Variants in RAB6A observed in about 807,000 individuals in gnomAD.
The protein encoded by RAB6A is ras-related protein Rab-6A.
In RAB6A, 8 loss-of-function variants were observed where a neutral mutation model predicts 32.3. That is an observed-to-expected ratio of 0.25 (90% CI 0.15 to 0.45). RAB6A has a LOEUF of 0.45. Among genes scored for constraint, RAB6A ranks in the 20% least tolerant of loss-of-function variants. The pLI is 1.00. For missense variants in RAB6A, 104 were observed against 249.4 expected (o/e 0.42, Z 3.93); for synonymous variants, 73 against 82.1 (o/e 0.89, Z 0.60).
At chr11:73,750,435 C>T (rs1946655839) in intron 1 of RAB6A, among the ~76,000 whole-genome samples, 1 of 151,586 alleles carries the variant, frequency 6.6e-6, no homozygotes, top group Non-Finnish European at 1.5e-5. Context: ...CTGCAAACTC[C>T]ACCTCCCAGT....
intron 1 of RAB6A, among the ~76,000 whole-genome samples, chr11:73,741,490 CAA>C (rs1382017453): frequency 6.6e-6 from 1 of 151,134 alleles, no homozygotes; most frequent in Non-Finnish European, 1.5e-5. Flanking sequence ...GGTATTTACC[CAA>C]AAGAGCTGAA....
chr11:73,760,506 C>G, intron 1 of RAB6A, 60 bp downstream of exon 1: 3 of 1,538,730 alleles, frequency 1.9e-6, no homozygotes, highest in Non-Finnish European at 2.6e-6. Flanking sequence ...AAGGGCCGCA[C>G]CGGGGGCGGT....
chr11:73,750,379 G>A (rs368795902), intron 1 of RAB6A, among the ~76,000 whole-genome samples: 3 of 147,348 alleles, frequency 2.0e-5, no homozygotes, highest in African/African-American at 7.5e-5. Context: ...AGACAGAGTC[G>A]CACTCTGTTA....
chr11:73,709,826 T>C (rs1945913286), intron 5 of RAB6A, among the ~76,000 whole-genome samples: 1 of 127,704 alleles, frequency 7.8e-6, no homozygotes, highest in African/African-American at 2.9e-5. Flanking sequence ...TTCATGCATA[T>C]ATATACATAT....
chr11:73,748,623 G>A (rs1305787492), intron 1 of RAB6A, among the ~76,000 whole-genome samples: 1 of 152,160 alleles, frequency 6.6e-6, no homozygotes, highest in East Asian at 1.9e-4. Flanking sequence ...CTATGTAACA[G>A]CTAACAGGGG....
chr11:73,720,800 T>C (rs1458138993), intron 3 of RAB6A, 46 bp downstream of exon 3: 2 of 1,433,550 alleles, frequency 1.4e-6, no homozygotes, highest in South Asian at 2.4e-5. Flanking sequence ...TGCAGTTTTC[T>C]AACCTGGAAT....
chr11:73,723,779 A>G (rs10751228), intron 2 of RAB6A, among the ~76,000 whole-genome samples: 147,475 of 152,252 alleles, frequency 0.97, 71,580 homozygotes, highest in Middle Eastern at 1. Context: ...AAAATAGTAT[A>G]TTAGAGAGTA....
intron 1 of RAB6A, among the ~76,000 whole-genome samples, chr11:73,759,004 T>C (rs865945836): frequency 2.6e-5 from 4 of 152,104 alleles, no homozygotes; most frequent in Non-Finnish European, 1.5e-5. Flanking sequence ...AATCTACACA[T>C]GAAAGGAGAA....
intron 1 of RAB6A, among the ~76,000 whole-genome samples, chr11:73,757,098 C>CATACAT (rs201833447): frequency 0.014 from 515 of 37,654 alleles, 8 homozygotes; most frequent in South Asian, 0.024. Flanking sequence ...AATATACATA[C>CATACAT]ATATATATAT....
At chr11:73,683,896 T>C (rs1945398334) in intron 6 of RAB6A, among the ~76,000 whole-genome samples, 1 of 152,188 alleles carries the variant, frequency 6.6e-6, no homozygotes, top group Admixed American at 6.5e-5. Context: ...GGTAAAATAC[T>C]ATGAAACAGC....
intron 1 of RAB6A, among the ~76,000 whole-genome samples, chr11:73,739,282 A>ATACATATATATATATATATATATATAT (rs1289309364): frequency 6.5e-5 from 1 of 15,332 alleles, no homozygotes; most frequent in African/African-American, 1.4e-4. Context: ...AAAAAAAAAA[A>ATACATATATATATATATATATATATAT]AAATATATAT....
intron 3 of RAB6A, chr11:73,718,923 A>C (rs1207753317): frequency 6.5e-7 from 1 of 1,548,256 alleles, no homozygotes; most frequent in Non-Finnish European, 8.7e-7. Flanking sequence ...TAAAAAAAAA[A>C]AAACCAAACT....
intron 3 of RAB6A, among the ~76,000 whole-genome samples, chr11:73,719,433 C>T (rs116203037): frequency 5.9e-5 from 9 of 152,262 alleles, no homozygotes; most frequent in East Asian, 1.9e-4. Context: ...CCAGAACATG[C>T]GAGTGTGTGC....
intron 2 of RAB6A, among the ~76,000 whole-genome samples, chr11:73,722,061 T>TTTTTTTTTTTTTTTTTGAG (rs1264423078): frequency 6.6e-6 from 1 of 151,090 alleles, no homozygotes; most frequent in Admixed American, 6.7e-5. Context: ...GCCATGATTG[T>TTTTTTTTTTTTTTTTTGAG]AAGTTTCCTG....
At chr11:73,721,187 C>T (rs1489212840) in intron 2 of RAB6A, among the ~76,000 whole-genome samples, 1 of 152,138 alleles carries the variant, frequency 6.6e-6, no homozygotes, top group Non-Finnish European at 1.5e-5. Flanking sequence ...TCTCATTTTA[C>T]AAATAACAAG....
chr11:73,732,179 T>C (rs1049422587), intron 1 of RAB6A, among the ~76,000 whole-genome samples: 4 of 152,240 alleles, frequency 2.6e-5, no homozygotes, highest in Admixed American at 2.6e-4. Flanking sequence ...GCCAGTGGCT[T>C]GACACAGACT....
At chr11:73,683,822 A>T (rs1289895942) in intron 6 of RAB6A, among the ~76,000 whole-genome samples, 1 of 152,000 alleles carries the variant, frequency 6.6e-6, no homozygotes, top group African/African-American at 2.4e-5. Context: ...CAAAGTGCTG[A>T]GATTAAAGGC....
intron 1 of RAB6A, among the ~76,000 whole-genome samples, chr11:73,739,284 A>AAAAAAAATATATATAT (rs1208877325): frequency 1.5e-4 from 1 of 6,762 alleles, no homozygotes; most frequent in Non-Finnish European, 3.4e-4. Flanking sequence ...AAAAAAAAAA[A>AAAAAAAATATATATAT]ATATATATAT....
At chr11:73,742,551 C>A (rs1173557442) in intron 1 of RAB6A, among the ~76,000 whole-genome samples, 2 of 152,212 alleles carry the variant, frequency 1.3e-5, no homozygotes, top group South Asian at 2.1e-4. Context: ...GTGGCTCACG[C>A]CTGTAATCCC....
Sources: gnomAD v4.1 joint callset for allele counts (sites outside exome capture counted in the v4.1 genomes callset) on GRCh38, gnomAD v4.1.1 for gene constraint, MANE v1.5 for transcripts, NCBI Gene and HGNC (gene_info 2026-07-23, HGNC 2026-07-21) for gene names.